The following ACTR8 variants were observed in gnomAD, a reference collection of about 807,000 sequenced individuals.
ACTR8 encodes the protein actin related protein 8.
A neutral mutation model predicts 84.3 loss-of-function variants in ACTR8; 70 were observed. The observed-to-expected ratio is 0.83, with a 90% CI of 0.68 to 1.01. ACTR8 has a LOEUF of 1.01. ACTR8 is among the 50% of genes least tolerant of loss of function. The pLI is 0.00. For missense variants in ACTR8, 672 were observed against 775.4 expected (o/e 0.87, Z 1.58); for synonymous variants, 268 against 275.2 (o/e 0.97, Z 0.26).
At chr3:53,866,236 T>C (rs1410144581), downstream of ACTR8, among the ~76,000 whole-genome samples, 1 of 152,116 alleles carries the variant, frequency 6.6e-6, no homozygotes, top group Non-Finnish European at 1.5e-5. Context: ...TTTAAAAAAT[T>C]AGCTGAGTGT....
At position 53,868,540 on chromosome 3, in the gene ACTR8, G is replaced by A. The variant is rs571971175; in HGVS notation, c.*179C>T. 1.2e-4 allele frequency: 109 copies of A among 911,562 alleles called. No homozygotes were observed. In the South Asian group the frequency reaches 1.6e-3, roughly 14 times the overall value. 56.5% of individuals were successfully genotyped at this position (911,562 alleles called of 1,614,324 possible). A position where few individuals can be genotyped will look rare whatever the true frequency, so the allele number is the denominator to read the frequency against. On this transcript the variant is annotated 3_prime_UTR_variant, in exon 13 of 13. Coordinates refer to ENST00000335754, the MANE Select transcript of ACTR8 (RefSeq NM_022899.5). Reference sequence around the variant, plus strand: ...TATTCTCAAATGCCCTGACTAAACTGCTCAAAAGCAGTTTATATTTTCAAA... The same window carrying A: ...TATTCTCAAATGCCCTGACTAAACTACTCAAAAGCAGTTTATATTTTCAAA...
At chr3:53,874,533 G>A (rs1699937523) in intron 7 of ACTR8, among the ~76,000 whole-genome samples, 169 bp from the exon 8 acceptor site, 2 of 152,120 alleles carry the variant, frequency 1.3e-5, no homozygotes, top group Non-Finnish European at 2.9e-5. Flanking sequence ...AAGACCAGCT[G>A]GCCAATATGG....
At position 53,872,697 on chromosome 3, in the gene ACTR8, A is replaced by T. The variant is rs1047555986; in HGVS notation, c.1162-173T>A. On this transcript the variant is annotated intron_variant, in intron 9 of 12. Coordinates refer to ENST00000335754, the MANE Select transcript of ACTR8 (RefSeq NM_022899.5). The stretch of plus-strand genomic sequence containing the variant: ...TTTCTCTGGTGCACCATAGGCCAGA[A>T]AACTCACTCATCATCCAACCAGATG... 2.6e-5 allele frequency among the ~76,000 whole-genome samples: 4 copies of T among 152,360 alleles called. No homozygotes were observed. In the South Asian group the frequency reaches 8.3e-4, roughly 32 times the overall value.
intron 1 of ACTR8, among the ~76,000 whole-genome samples, chr3:53,881,359 C>T (rs1700057021): frequency 6.6e-6 from 1 of 152,216 alleles, no homozygotes; most frequent in Admixed American, 6.5e-5. Flanking sequence ...TATGTGTATA[C>T]ATCTAAGGTC....
Position 53,872,427 on chromosome 3 carries a change from T to G in ACTR8, c.1259A>C (p.His420Pro). Residue 420 changes from histidine (H) to proline (P), a missense_variant, in exon 10 of 13, where the codon CAC (histidine) becomes CCC (proline). Physicochemically the swap from His to Pro is moderately conservative, Grantham distance 77. Coordinates refer to ENST00000335754, the MANE Select transcript of ACTR8 (RefSeq NM_022899.5). ...TGTGGCCAGCAGGTAATGTTCATCG[T>G]GAGGATCCTCAGGATCGCCCTGAGA... ...HRSQGDPEDP[H>P]DEHYLLATQS... 1 of 1,611,670 alleles carries G rather than the reference T, an allele frequency of 6.2e-7. No individual in the cohort carries two copies. The highest frequency in any genetic ancestry group is 1.1e-5 in the South Asian group (1 of 90,636).
Position 53,882,106 on chromosome 3 carries a change from G to A in ACTR8, c.-5C>T, listed in dbSNP as rs1429403069. Reference sequence around the variant, plus strand: ...ACCCTTCTCAGCCTGGGTCATTATGGCCGGAGACACCCACCAACCTCTCGC... The same window carrying A: ...ACCCTTCTCAGCCTGGGTCATTATGACCGGAGACACCCACCAACCTCTCGC... On this transcript the variant is annotated 5_prime_UTR_variant, in exon 1 of 13. Coordinates refer to ENST00000335754, the MANE Select transcript of ACTR8 (RefSeq NM_022899.5). The A allele has an allele frequency of 3.2e-6, 5 of 1,551,378 alleles. No homozygotes were observed. The highest frequency in any genetic ancestry group is 2.4e-5 in the East Asian group (1 of 40,896).
the ACTR8 span, chr3:53,859,553 T>A: frequency 6.6e-6 from 1 of 152,496 alleles, no homozygotes; most frequent in Non-Finnish European, 1.5e-5. Context: ...TGTATGTCAG[T>A]CTAACAAGAC....
intron 9 of ACTR8, 125 bp downstream of exon 9, chr3:53,872,907 G>A: frequency 5.2e-6 from 4 of 775,722 alleles, no homozygotes; most frequent in Non-Finnish European, 6.2e-6. Flanking sequence ...TGTTGGTTTA[G>A]TGGATAATCT....
chr3:53,864,787 C>G (rs763951825), downstream of ACTR8: 11 of 1,613,230 alleles, frequency 6.8e-6, no homozygotes, highest in Non-Finnish European at 9.3e-6. Context: ...CACACTACTG[C>G]CCCCCATTAA....
Position 53,870,899 on chromosome 3 carries a change from T to C in ACTR8, c.1567+333A>G, listed in dbSNP as rs1242848694. On this transcript the variant is annotated intron_variant, in intron 11 of 12. Coordinates refer to ENST00000335754, the MANE Select transcript of ACTR8 (RefSeq NM_022899.5). The surrounding 1 kb of genome is among the most constrained non-coding windows in gnomAD (Gnocchi z 4.1). ...CATCCCCTAGTGAGTAAAGATTCTA[T>C]GTGAAATTCCTCAAATTATTACACA... is the stretch of plus-strand genomic sequence containing the variant. Among the ~76,000 whole-genome samples, 4 of 152,328 alleles carry C rather than the reference T, an allele frequency of 2.6e-5. No homozygotes were observed. Among genetic ancestry groups the C allele is most frequent in the African/African-American group, 4.8e-5 (2 of 41,580 alleles).
rs185498988 is a variant in ACTR8, at chr3:53,867,208, G to A, written c.*1511C>T. The A allele has an allele frequency of 6.6e-6, 1 of 152,316 alleles. No individual in the cohort carries two copies. The highest frequency in any genetic ancestry group is 1.9e-4 in the East Asian group (1 of 5,186). The allele number at this position is 152,316 out of a possible 1,614,324, so 9.4% of individuals were successfully genotyped here. A position where few individuals can be genotyped will look rare whatever the true frequency, so the allele number is the denominator to read the frequency against. ...TGAAACAGCTCTACCAGTTATAAGA[G>A]CAATATGCTGTTAGGTGAAGAACTG... On this transcript the variant is annotated 3_prime_UTR_variant, in exon 13 of 13. Transcript: ENST00000335754.
the ACTR8 span, chr3:53,859,923 T>C: frequency 4.4e-6 from 2 of 457,084 alleles, no homozygotes; most frequent in Non-Finnish European, 7.9e-6. Flanking sequence ...TGAGGCAGCA[T>C]TGCTTGAACC....
chr3:53,862,303 CT>C (rs1328096331), downstream of ACTR8, among the ~76,000 whole-genome samples: 1 of 152,074 alleles, frequency 6.6e-6, no homozygotes, highest in Non-Finnish European at 1.5e-5. Flanking sequence ...ACACACAGTA[CT>C]TTATGGAAAG....
At chr3:53,863,231 A>C (rs1260609815), downstream of ACTR8, among the ~76,000 whole-genome samples, 1 of 152,220 alleles carries the variant, frequency 6.6e-6, no homozygotes, top group Non-Finnish European at 1.5e-5. Context: ...GTTGTGGGAA[A>C]ATCAAAGGTT....
At chr3:53,866,214 C>G (rs1699773611), downstream of ACTR8, among the ~76,000 whole-genome samples, 2 of 152,188 alleles carry the variant, frequency 1.3e-5, no homozygotes, top group African/African-American at 2.4e-5. Context: ...AGACCTCCAT[C>G]TCTACAAAAG....
In ACTR8 at chr3:53,870,789, T is replaced by C. The variant is rs529532499; in HGVS notation, c.1567+443A>G. 1.2e-3 allele frequency among the ~76,000 whole-genome samples: 189 copies of C among 152,344 alleles called. 1 individual carries two copies. Among genetic ancestry groups the C allele is most frequent in the African/African-American group, 4.4e-3 (185 of 41,584 alleles). On this transcript the variant is annotated intron_variant, in intron 11 of 12. Transcript: ENST00000335754. This position sits in a 1 kb window ranked among gnomAD's most constrained non-coding sequence, Gnocchi z 4.1. ...CTTCTTCCTCTACCCCATCTGTGAC[T>C]GCTAACTGACCCCTTTCATCCTTTA...
intron 12 of ACTR8, among the ~76,000 whole-genome samples, chr3:53,869,425 A>G (rs1048853767): frequency 6.6e-6 from 1 of 152,252 alleles, no homozygotes; most frequent in African/African-American, 2.4e-5. Flanking sequence ...GAACATATAT[A>G]AATAAATGAC....
In ACTR8 at chr3:53,876,046, G is replaced by A; in HGVS notation, c.813C>T (p.Thr271=). ...ACGTGCTGCTTAAGCCACTTCCATA[G>A]GTGGCACACACAGACTCCTGATGGA... is the stretch of plus-strand genomic sequence containing the variant. ...IVVHQESVCA[T]YGSGLSSTCI... The change falls in exon 7 of 13, where the codon ACC becomes ACT. Residue 271 remains threonine, a synonymous_variant. Coordinates refer to ENST00000335754, the MANE Select transcript of ACTR8 (RefSeq NM_022899.5). The A allele has an allele frequency of 6.2e-7, 1 of 1,613,572 alleles. No homozygotes were observed.
At chr3:53,865,069 C>T (rs1221101006), downstream of ACTR8, 4 of 1,614,140 alleles carry the variant, frequency 2.5e-6, no homozygotes, top group Non-Finnish European at 3.4e-6. Context: ...AGACCTCTTC[C>T]CCCTTGCCTT....
Sources: allele counts gnomAD v4.1 joint callset (sites outside exome capture counted in the v4.1 genomes callset), GRCh38; gene constraint gnomAD v4.1.1; non-coding constraint Gnocchi (gnomAD v3.1); transcripts MANE v1.5; gene names NCBI Gene and HGNC (gene_info 2026-07-23, HGNC 2026-07-21).